Variants in SEMA5A observed in about 807,000 individuals in gnomAD.
SEMA5A encodes the protein semaphorin-5A.
In SEMA5A, 55 loss-of-function variants were observed where a neutral mutation model predicts 135.5. That is an observed-to-expected ratio of 0.41 (90% CI 0.33 to 0.51). The LOEUF (loss-of-function observed/expected upper bound fraction) is 0.51, where lower values mean the gene tolerates loss of function less well. Ranked by LOEUF, SEMA5A falls within the 20% of genes least tolerant of loss-of-function variation. The pLI is 0.37. For synonymous variants in SEMA5A, 580 were observed against 546.5 expected, an observed-to-expected ratio of 1.06 and a Z score of -0.85; for missense variants, 1,290 against 1,419.9, an observed-to-expected ratio of 0.91 and a Z score of 1.47.
chr5:9,343,811 AG>A (rs1255230358), intron 3 of SEMA5A, among the ~76,000 whole-genome samples: 1 of 152,116 alleles, frequency 6.6e-6, no homozygotes, highest in Non-Finnish European at 1.5e-5. Flanking sequence ...TTGCGTTACC[AG>A]GCCTGTTACT....
intron 5 of SEMA5A, among the ~76,000 whole-genome samples, chr5:9,262,856 CTGCACAATG>C (rs1387659427): frequency 8.0e-6 from 1 of 125,446 alleles, no homozygotes; most frequent in Non-Finnish European, 1.6e-5. Flanking sequence ...TGTAACTAAC[CTGCACAATG>C]TGCACATGTA....
intron 1 of SEMA5A, among the ~76,000 whole-genome samples, chr5:9,477,560 G>A (rs1166355513): frequency 6.6e-6 from 1 of 152,182 alleles, no homozygotes; most frequent in Non-Finnish European, 1.5e-5. Flanking sequence ...TTGGAGCAAA[G>A]GTCACTCTTG....
chr5:9,045,505 TTTCCTAGAGGTAACTATTA>T (rs1457609977), intron 21 of SEMA5A, among the ~76,000 whole-genome samples: 4 of 152,188 alleles, frequency 2.6e-5, no homozygotes, highest in Non-Finnish European at 5.9e-5. Context: ...AAATAAATCC[TTTCCTAGAGGTAACTATTA>T]TACCTAGAGG....
At chr5:9,107,351 C>A (rs1051347450) in intron 16 of SEMA5A, among the ~76,000 whole-genome samples, 1 of 150,278 alleles carries the variant, frequency 6.7e-6, no homozygotes, top group Non-Finnish European at 1.5e-5. Flanking sequence ...AGAAATATAA[C>A]CTGTAAAGGC....
intron 2 of SEMA5A, among the ~76,000 whole-genome samples, chr5:9,428,821 T>C (rs1010745118): frequency 1.6e-4 from 24 of 152,196 alleles, no homozygotes; most frequent in African/African-American, 5.1e-4. Context: ...TTAATCACAC[T>C]CTTAAGGACC....
intron 5 of SEMA5A, among the ~76,000 whole-genome samples, chr5:9,289,240 T>C (rs550287369): frequency 6.6e-4 from 100 of 152,262 alleles, no homozygotes; most frequent in South Asian, 4.8e-3. Context: ...CAAGATAAAA[T>C]GATTGATATT....
intron 16 of SEMA5A, among the ~76,000 whole-genome samples, chr5:9,105,628 C>A (rs187529670): frequency 6.6e-6 from 1 of 152,210 alleles, no homozygotes; most frequent in Admixed American, 6.5e-5. Context: ...CCAGACCTTA[C>A]GGATGGCACC....
chr5:9,377,629 A>T (rs1362046210), intron 3 of SEMA5A, among the ~76,000 whole-genome samples: 1 of 152,194 alleles, frequency 6.6e-6, no homozygotes, highest in East Asian at 1.9e-4. Context: ...TTCTAAAATG[A>T]CTGTGTACTA....
chr5:9,043,208 G>C, intron 22 of SEMA5A, 192 bp from the exon 23 acceptor site: 1 of 515,410 alleles, frequency 1.9e-6, no homozygotes, highest in East Asian at 3.4e-5. Context: ...CCAGAATAAG[G>C]TTGGCAGTTT....
intron 1 of SEMA5A, among the ~76,000 whole-genome samples, chr5:9,453,820 G>C (rs907149544): frequency 2.0e-5 from 3 of 152,138 alleles, no homozygotes; most frequent in Admixed American, 2.0e-4. Flanking sequence ...AAATATCAAA[G>C]GACATGAGCA....
At chr5:9,240,713 G>A (rs1748145546) in intron 5 of SEMA5A, among the ~76,000 whole-genome samples, 1 of 151,938 alleles carries the variant, frequency 6.6e-6, no homozygotes, top group Admixed American at 6.5e-5. Flanking sequence ...CCATTCTAAT[G>A]AACCAAATAC....
chr5:9,521,962 C>T (rs1055210365), intron 1 of SEMA5A, among the ~76,000 whole-genome samples: 2 of 152,132 alleles, frequency 1.3e-5, no homozygotes, highest in African/African-American at 4.8e-5. Context: ...TTTAGGGGTC[C>T]AGGGTGCCAC....
chr5:9,339,641 TAGC>T (rs1753557511), intron 3 of SEMA5A, among the ~76,000 whole-genome samples: 1 of 152,064 alleles, frequency 6.6e-6, no homozygotes, highest in Non-Finnish European at 1.5e-5. Flanking sequence ...GAAAAAGTAA[TAGC>T]AACTTAAGAA....
At chr5:9,303,596 C>T (rs1326619206) in intron 5 of SEMA5A, among the ~76,000 whole-genome samples, 2 of 151,934 alleles carry the variant, frequency 1.3e-5, no homozygotes, top group Non-Finnish European at 1.5e-5. Context: ...GGAAGAGAGA[C>T]TTTCGAATGT....
chr5:9,360,143 A>G (rs1754626976), intron 3 of SEMA5A, among the ~76,000 whole-genome samples: 1 of 152,198 alleles, frequency 6.6e-6, no homozygotes, highest in Non-Finnish European at 1.5e-5. Context: ...CTTTGCAGGT[A>G]TTAACCTCTG....
At chr5:9,275,021 A>C (rs1053821206) in intron 5 of SEMA5A, among the ~76,000 whole-genome samples, 3 of 148,140 alleles carry the variant, frequency 2.0e-5, no homozygotes, top group East Asian at 2.0e-4. Flanking sequence ...AAAACCCCTC[A>C]AAAAAATCAA....
At chr5:9,411,481 T>C (rs1242106389) in intron 2 of SEMA5A, among the ~76,000 whole-genome samples, 1 of 152,120 alleles carries the variant, frequency 6.6e-6, no homozygotes, top group African/African-American at 2.4e-5. Context: ...CCCTATACAG[T>C]GCCCAACTAG....
At chr5:9,315,118 C>T (rs941893613) in intron 5 of SEMA5A, among the ~76,000 whole-genome samples, 33 of 152,058 alleles carry the variant, frequency 2.2e-4, no homozygotes, top group African/African-American at 8.0e-4. Flanking sequence ...CACTTTTTTG[C>T]ATCTATTTAT....
rs567919112 is a variant in SEMA5A at position 9,334,005 on chromosome 5, C to A, written c.224+3708G>T. Among the ~76,000 whole-genome samples the A allele has an allele frequency of 2.6e-5, 4 of 152,120 alleles. No individual in the cohort carries two copies. The South Asian group carries it at 8.3e-4, about 32-fold the overall frequency. Reference sequence around the variant, plus strand: ...GGAAATGAAAATGTATGACTTCTTCCAGAAATTCCCTGAATTCAGATCCAA... The same window carrying A: ...GGAAATGAAAATGTATGACTTCTTCAAGAAATTCCCTGAATTCAGATCCAA... On this transcript the variant is annotated intron_variant, in intron 4 of 22. Transcript: ENST00000382496.
Sources: allele counts gnomAD v4.1 joint callset (sites outside exome capture counted in the v4.1 genomes callset), GRCh38; gene constraint gnomAD v4.1.1; transcripts MANE v1.5; gene names NCBI Gene and HGNC (gene_info 2026-07-23, HGNC 2026-07-21).